Variants in PCDH15 observed in about 807,000 individuals in gnomAD.
PCDH15 encodes protocadherin-15.
Under a neutral mutation model 178.5 loss-of-function variants are expected in PCDH15, and 129 were observed. The ratio of observed to expected loss-of-function variants is 0.72; its 90% CI spans 0.63 to 0.84. The LOEUF (loss-of-function observed/expected upper bound fraction) is 0.84. Ranked by LOEUF, PCDH15 falls within the 40% of genes least tolerant of loss-of-function variation. The pLI is 0.00. For missense variants in PCDH15, 2,230 were observed against 2,099.9 expected (o/e 1.06, Z -1.21); for synonymous variants, 800 against 732.0 (o/e 1.09, Z -1.50).
chr10:53,866,491 TAAA>T, intron 27 of PCDH15, 148 bp downstream of exon 27: 1 of 539,930 alleles, frequency 1.9e-6, no homozygotes, highest in East Asian at 3.5e-5. Flanking sequence ...TACATATTCC[TAAA>T]CTATAGTGAC....
chr10:54,935,094 G>A (rs932536233), intron 2 of PCDH15, among the ~76,000 whole-genome samples: 2 of 150,420 alleles, frequency 1.3e-5, no homozygotes, highest in Admixed American at 6.6e-5. Flanking sequence ...GTGTGGGGAG[G>A]GGGGAGGGAT....
intron 3 of PCDH15, among the ~76,000 whole-genome samples, chr10:54,477,734 T>C (rs2078378797): frequency 6.6e-6 from 1 of 152,148 alleles, no homozygotes; most frequent in Admixed American, 6.6e-5. Flanking sequence ...TAGCTGGGAT[T>C]ACAGGCGTGT....
chr10:54,597,814 C>T (rs2092315612), intron 2 of PCDH15, among the ~76,000 whole-genome samples: 1 of 151,966 alleles, frequency 6.6e-6, no homozygotes, highest in Admixed American at 6.6e-5. Flanking sequence ...TTACCACTGA[C>T]CCCACAAAAC....
At chr10:54,453,926 C>G (rs1015712585) in intron 3 of PCDH15, among the ~76,000 whole-genome samples, 2 of 151,768 alleles carry the variant, frequency 1.3e-5, no homozygotes, top group African/African-American at 2.4e-5. Context: ...TTTAAGCCAC[C>G]ATGTTTGAGG....
chr10:55,424,964 G>C (rs1838716457), intron 2 of PCDH15, among the ~76,000 whole-genome samples: 1 of 151,590 alleles, frequency 6.6e-6, no homozygotes, highest in Admixed American at 6.6e-5. Context: ...CAACTAGATG[G>C]AAAATGAATT....
chr10:55,568,972 G>A (rs555625038), intron 2 of PCDH15, among the ~76,000 whole-genome samples: 2 of 152,024 alleles, frequency 1.3e-5, no homozygotes, highest in Admixed American at 1.3e-4. Flanking sequence ...ATGGTGGAGA[G>A]AGTGGTGTTG....
At chr10:53,821,459 C>CT (rs1220205420) in intron 32 of PCDH15, 2 of 1,018,706 alleles carry the variant, frequency 2.0e-6, no homozygotes, top group African/African-American at 3.5e-5. Context: ...TTGTAACAGT[C>CT]TGCTTTTTTC....
intron 1 of PCDH15, among the ~76,000 whole-genome samples, chr10:54,794,795 G>T (rs543858080): frequency 6.6e-6 from 1 of 151,904 alleles, no homozygotes; most frequent in South Asian, 2.1e-4. Context: ...ATCAAAGAAA[G>T]TAGGAAAATA....
intron 2 of PCDH15, among the ~76,000 whole-genome samples, chr10:54,967,687 T>G (rs562978500): frequency 6.6e-6 from 1 of 152,310 alleles, no homozygotes; most frequent in African/African-American, 2.4e-5. Context: ...CTATATAAGC[T>G]GTGTTAGTTT....
chr10:54,976,492 G>C (rs1052326860), intron 2 of PCDH15, among the ~76,000 whole-genome samples: 2 of 152,136 alleles, frequency 1.3e-5, no homozygotes, highest in Admixed American at 1.3e-4. Context: ...TGATTGGTTG[G>C]GGATGGAATA....
At chr10:55,591,304 GTGC>G (rs1256107667) in intron 2 of PCDH15, among the ~76,000 whole-genome samples, 1 of 151,968 alleles carries the variant, frequency 6.6e-6, no homozygotes, top group Non-Finnish European at 1.5e-5. Context: ...GCATAATGGT[GTGC>G]ACCGATAGCC....
At chr10:55,388,707 A>AAG (rs1234021084) in intron 2 of PCDH15, among the ~76,000 whole-genome samples, 7 of 152,104 alleles carry the variant, frequency 4.6e-5, no homozygotes, top group African/African-American at 1.7e-4. Flanking sequence ...GTTTTACTAA[A>AAG]AAATTAAAGA....
At chr10:54,146,228 G>A (rs1406065478) in intron 14 of PCDH15, among the ~76,000 whole-genome samples, 3 of 152,036 alleles carry the variant, frequency 2.0e-5, no homozygotes, top group South Asian at 2.1e-4. Flanking sequence ...TAAAAAGAAT[G>A]TATAATCACA....
chr10:54,185,368 C>G (rs2048395950), intron 11 of PCDH15, 100 bp from the exon 12 acceptor site: 3 of 1,321,240 alleles, frequency 2.3e-6, no homozygotes, highest in Admixed American at 1.8e-5. Flanking sequence ...CAAAAATCCA[C>G]GTGAAAGTAT....
At chr10:55,386,511 C>T (rs1198909682) in intron 2 of PCDH15, among the ~76,000 whole-genome samples, 1 of 152,080 alleles carries the variant, frequency 6.6e-6, no homozygotes, top group Admixed American at 6.6e-5. Context: ...AAAAAGGATG[C>T]ATTGTCTTCA....
intron 1 of PCDH15, among the ~76,000 whole-genome samples, chr10:54,679,189 CAAAAA>C (rs10709982): frequency 2.8e-5 from 2 of 71,340 alleles, no homozygotes; most frequent in African/African-American, 1.0e-4. Context: ...GACTCCGTCT[CAAAAA>C]AAAAAAAAAA....
At chr10:54,113,249 T>C (rs1396959728) in intron 15 of PCDH15, among the ~76,000 whole-genome samples, 1 of 152,176 alleles carries the variant, frequency 6.6e-6, no homozygotes, top group Non-Finnish European at 1.5e-5. Context: ...GTTGAGGGGA[T>C]ATATTTTATT....
rs149214073 is a variant in PCDH15 at position 54,274,047 on chromosome 10, A to G, written c.877-37116T>C. Among the ~76,000 whole-genome samples, 999 of 152,180 alleles carry G rather than the reference A, an allele frequency of 6.6e-3. 12 individuals carry two copies. The highest frequency in any genetic ancestry group is 0.023 in the African/African-American group (951 of 41,542). ...AACTACCACAGGAAAAGAAGACCAA[A>G]CACTGCATGCTCTAACTCATAAGTA... On this transcript the variant is annotated intron_variant, in intron 8 of 37. Coordinates refer to ENST00000644397, the MANE Select transcript of PCDH15 (RefSeq NM_001384140.1).
chr10:55,151,834 G>C (rs1044097232), intron 2 of PCDH15, among the ~76,000 whole-genome samples: 1 of 152,028 alleles, frequency 6.6e-6, no homozygotes, highest in Non-Finnish European at 1.5e-5. Context: ...AAAGATTTTA[G>C]GATTTAGTAG....
Sources: allele counts gnomAD v4.1 joint callset (sites outside exome capture counted in the v4.1 genomes callset), GRCh38; gene constraint gnomAD v4.1.1; transcripts MANE v1.5; gene names NCBI Gene and HGNC (gene_info 2026-07-23, HGNC 2026-07-21).